SH3D19: variants seen among roughly 807,000 people sequenced by gnomAD.
SH3D19 encodes SH3 domain containing 19, also known as SH3 domain-containing protein 19.
In SH3D19, 58 loss-of-function variants were observed where a neutral mutation model predicts 112.1. The observed-to-expected ratio is 0.52, with a 90% CI of 0.42 to 0.64. The LOEUF (loss-of-function observed/expected upper bound fraction) is 0.64. SH3D19 is among the 30% of genes least tolerant of loss of function. The pLI is 0.00. For missense variants in SH3D19, 1,090 were observed against 1,263.4 expected (o/e 0.86, Z 2.08); for synonymous variants, 391 against 448.5 (o/e 0.87, Z 1.62).
chr4:151,301,486 C>G (rs1490737039), intron 1 of SH3D19, among the ~76,000 whole-genome samples: 1 of 152,214 alleles, frequency 6.6e-6, no homozygotes, highest in Non-Finnish European at 1.5e-5. Flanking sequence ...CTCAGCCTCC[C>G]AAAGTGCTGG....
Position 151,175,166 on chromosome 4 carries a change from T to C in SH3D19, c.1038A>G (p.Gly346=). The C allele has an allele frequency of 6.2e-7, 1 of 1,614,148 alleles. No homozygotes were observed. Among genetic ancestry groups the C allele is most frequent in the Non-Finnish European group, 8.5e-7 (1 of 1,180,022 alleles). ...APKPAANRAS[G]EWDSGTENRL... is the part of the protein sequence containing the mutation. Reference sequence around the variant, plus strand: ...TGTTCTCAGTCCCAGAGTCCCACTCTCCAGAAGCTCTGTTAGCAGCTGGTT... The same window carrying C: ...TGTTCTCAGTCCCAGAGTCCCACTCCCCAGAAGCTCTGTTAGCAGCTGGTT... Residue 346 remains glycine, a synonymous_variant, in exon 7 of 20, where the codon GGA becomes GGG. Coordinates refer to ENST00000604030, the MANE Select transcript of SH3D19 (RefSeq NM_001378122.1).
chr4:151,162,014 G>C (rs1020864250), intron 8 of SH3D19, among the ~76,000 whole-genome samples: 37 of 151,714 alleles, frequency 2.4e-4, no homozygotes, highest in African/African-American at 7.7e-4. Flanking sequence ...TAAGTTCTGG[G>C]ATACATGTGC....
intron 1 of SH3D19, among the ~76,000 whole-genome samples, chr4:151,239,955 CT>C (rs1235078261): frequency 6.6e-6 from 1 of 152,130 alleles, no homozygotes; most frequent in Non-Finnish European, 1.5e-5. Flanking sequence ...AGAACACGCT[CT>C]AAAATTCTGC....
intron 1 of SH3D19, among the ~76,000 whole-genome samples, chr4:151,323,263 T>C (rs1730727722): frequency 6.6e-6 from 1 of 152,108 alleles, no homozygotes; most frequent in Non-Finnish European, 1.5e-5. Flanking sequence ...GGAAACTCTT[T>C]AGATTGTAAA....
At chr4:151,124,362 C>T (rs1420679699) in intron 19 of SH3D19, among the ~76,000 whole-genome samples, 1 of 152,056 alleles carries the variant, frequency 6.6e-6, no homozygotes, top group Non-Finnish European at 1.5e-5. Context: ...TCACCTTGGC[C>T]TCCCAAAGTG....
rs112958371 is a variant in SH3D19 at position 151,310,823 on chromosome 4, C to A, written c.112+14418G>T. Among the ~76,000 whole-genome samples, 198 of 151,568 alleles carry A rather than the reference C, an allele frequency of 1.3e-3. 2 individuals carry two copies. The highest frequency in any genetic ancestry group is 0.013 in the Admixed American group (198 of 15,232). On this transcript the variant is annotated intron_variant, in intron 1 of 19. Transcript: ENST00000604030. ...CTGACCTTAAGCGATCCACCCACCT[C>A]GGCCTCCCAAAAGTGCTGGGATTAC...
chr4:151,183,152 G>T (rs1418906650), intron 3 of SH3D19, among the ~76,000 whole-genome samples: 1 of 151,566 alleles, frequency 6.6e-6, no homozygotes, highest in African/African-American at 2.4e-5. Flanking sequence ...CCACTGCGCC[G>T]GGTTAATTTT....
At chr4:151,291,244 A>T in intron 1 of SH3D19, 1 of 1,613,934 alleles carries the variant, frequency 6.2e-7, no homozygotes, top group Middle Eastern at 1.7e-4. Flanking sequence ...CTACTACCAA[A>T]AATGGATTAA....
chr4:151,257,631 C>A (rs928830548), intron 1 of SH3D19, among the ~76,000 whole-genome samples: 2 of 152,008 alleles, frequency 1.3e-5, no homozygotes, highest in African/African-American at 2.4e-5. Context: ...AAAATAGTAA[C>A]CGTGGCTGGG....
At chr4:151,127,507 C>T in intron 19 of SH3D19, 111 bp downstream of exon 19, 1 of 621,460 alleles carries the variant, frequency 1.6e-6, no homozygotes, top group Non-Finnish European at 2.6e-6. Flanking sequence ...CCTGAGATCT[C>T]TTCATTCTTG....
chr4:151,272,338 T>C (rs1342705966), intron 1 of SH3D19, among the ~76,000 whole-genome samples: 2 of 152,126 alleles, frequency 1.3e-5, no homozygotes, highest in African/African-American at 2.4e-5. Context: ...AATACAGCCA[T>C]ACCCATGAAA....
intron 13 of SH3D19, among the ~76,000 whole-genome samples, chr4:151,139,531 C>CT (rs947070727): frequency 2.6e-4 from 40 of 152,324 alleles, no homozygotes; most frequent in African/African-American, 9.4e-4. Flanking sequence ...GGGAAAGTCT[C>CT]TCTCTCTCTC....
chr4:151,267,291 C>T (rs191563175), intron 1 of SH3D19, among the ~76,000 whole-genome samples: 47 of 152,068 alleles, frequency 3.1e-4, no homozygotes, highest in Middle Eastern at 3.4e-3. Flanking sequence ...GCTGTGATTG[C>T]GCCACTACAC....
rs1554037660 is a variant in SH3D19, at chr4:151,150,206, A to AT, written c.1756-646_1756-645insA. On this transcript the variant is annotated intron_variant, in intron 9 of 19. Transcript: ENST00000604030. ...TCTCAAAAAAAAAAAAAAAAAAAAA[A>AT]ATATATATATATATATATATATACA... Among the ~76,000 whole-genome samples, 28 of 46,174 alleles carry AT rather than the reference A, an allele frequency of 6.1e-4. 1 individual carries two copies. Among genetic ancestry groups the AT allele is most frequent in the African/African-American group, 1.1e-3 (16 of 13,972 alleles). The allele number at this position is 46,174 out of a possible 152,430, so 30.3% of individuals were successfully genotyped here.
intron 7 of SH3D19, among the ~76,000 whole-genome samples, chr4:151,168,746 C>G (rs951622192): frequency 1.3e-5 from 2 of 152,084 alleles, no homozygotes; most frequent in Non-Finnish European, 2.9e-5. Context: ...AGTGCTATTT[C>G]TTTAACAGCT....
At position 151,325,570 on chromosome 4, in the gene SH3D19, G is replaced by C. The variant is rs995325006; in HGVS notation, c.-218C>G. ...AGGGCGCGGGCCGAGCCGATTCCCCGCCTCCTTGCGGCGTCCCGGCGGCCT... is the reference window on the plus strand; with the variant it reads ...AGGGCGCGGGCCGAGCCGATTCCCCCCCTCCTTGCGGCGTCCCGGCGGCCT... On this transcript the variant is annotated 5_prime_UTR_variant, in exon 1 of 20. Transcript: ENST00000604030. The C allele has an allele frequency of 1.4e-5, 4 of 277,232 alleles. No individual in the cohort carries two copies. The highest frequency in any genetic ancestry group is 2.7e-5 in the Non-Finnish European group (4 of 149,626). The allele number at this position is 277,232 out of a possible 1,614,324, so 17.2% of individuals were successfully genotyped here.
At chr4:151,216,081 G>A (rs745431794) in intron 2 of SH3D19, among the ~76,000 whole-genome samples, 10 of 152,102 alleles carry the variant, frequency 6.6e-5, no homozygotes, top group East Asian at 1.9e-4. Flanking sequence ...TGCCCATCTC[G>A]GCCTCCCAAA....
intron 1 of SH3D19, chr4:151,283,397 A>G: frequency 1.1e-6 from 1 of 890,132 alleles, no homozygotes; most frequent in Non-Finnish European, 1.7e-6. Flanking sequence ...GAGGGTTCTA[A>G]GAATAACTCT....
intron 1 of SH3D19, among the ~76,000 whole-genome samples, chr4:151,304,984 CA>C (rs1222781443): frequency 2.6e-5 from 4 of 152,102 alleles, no homozygotes; most frequent in Non-Finnish European, 4.4e-5. Context: ...CAAAACAAAA[CA>C]AAAACCTCTG....
Sources: gnomAD v4.1 joint callset for allele counts (sites outside exome capture counted in the v4.1 genomes callset) on GRCh38, gnomAD v4.1.1 for gene constraint, MANE v1.5 for transcripts, NCBI Gene and HGNC (gene_info 2026-07-23, HGNC 2026-07-21) for gene names.